The following WWOX variants were observed in gnomAD, a reference collection of about 807,000 sequenced individuals.
WWOX encodes the protein WW domain-containing oxidoreductase.
A neutral mutation model predicts 46.2 loss-of-function variants in WWOX; 69 were observed. That is an observed-to-expected ratio of 1.49 (90% CI 1.23 to 1.82). The LOEUF (loss-of-function observed/expected upper bound fraction) is 1.82. Ranked by LOEUF, WWOX falls within the 40% of genes most tolerant of loss-of-function variation. The pLI is 0.00. For missense variants in WWOX, 919 were observed against 542.6 expected, an observed-to-expected ratio of 1.69 and a Z score of -6.89; for synonymous variants, 359 against 202.6, an observed-to-expected ratio of 1.77 and a Z score of -6.56.
chr16:78,760,494 A>C (rs1319426528), intron 8 of WWOX, among the ~76,000 whole-genome samples: 1 of 152,190 alleles, frequency 6.6e-6, no homozygotes, highest in African/African-American at 2.4e-5. Flanking sequence ...CACCTTCAGC[A>C]AGAAACATTA....
At chr16:78,671,700 A>G (rs1369411817) in intron 8 of WWOX, among the ~76,000 whole-genome samples, 1 of 152,222 alleles carries the variant, frequency 6.6e-6, no homozygotes, top group African/African-American at 2.4e-5. Flanking sequence ...TGCCTGATTC[A>G]GAGTAAGTGA....
At chr16:78,998,168 C>T (rs536082593) in intron 8 of WWOX, among the ~76,000 whole-genome samples, 10 of 152,146 alleles carry the variant, frequency 6.6e-5, no homozygotes, top group African/African-American at 9.7e-5. Context: ...TGAGCCATCG[C>T]GCCCGGCCTA....
intron 8 of WWOX, among the ~76,000 whole-genome samples, chr16:79,021,209 A>T (rs1396270287): frequency 1.3e-5 from 2 of 152,148 alleles, no homozygotes; most frequent in African/African-American, 4.8e-5. Context: ...ACATGCAGTA[A>T]AATAGTTTTT....
intron 8 of WWOX, among the ~76,000 whole-genome samples, chr16:78,656,511 T>A (rs2047084526): frequency 6.6e-6 from 1 of 152,188 alleles, no homozygotes; most frequent in Non-Finnish European, 1.5e-5. Context: ...TCTGCATGGC[T>A]GGAGTAGGAG....
At chr16:78,372,695 T>C (rs535588784) in intron 5 of WWOX, among the ~76,000 whole-genome samples, 72 of 152,286 alleles carry the variant, frequency 4.7e-4, no homozygotes, top group African/African-American at 1.7e-3. Context: ...TTTTAGCAGT[T>C]ATAGGCTTTT....
rs151217072 is a variant in WWOX, at chr16:78,410,028, G to T, written c.606-14842G>T. On this transcript the variant is annotated intron_variant, in intron 6 of 8. Coordinates refer to ENST00000566780, the MANE Select transcript of WWOX (RefSeq NM_016373.4). ...CGGTGGGTGTGCTGGGAGGTATTTG[G>T]ATCATGGGGGTGGAACCCTCATGCA... 1.9e-3 allele frequency among the ~76,000 whole-genome samples: 285 copies of T among 152,278 alleles called. 1 individual carries two copies. Among genetic ancestry groups the T allele is most frequent in the Middle Eastern group, 3.4e-3 (1 of 294 alleles).
intron 8 of WWOX, among the ~76,000 whole-genome samples, chr16:79,100,210 G>C (rs925300515): frequency 6.6e-6 from 1 of 152,054 alleles, no homozygotes; most frequent in Non-Finnish European, 1.5e-5. Context: ...CAAACAAAAT[G>C]GACCATCCCA....
At chr16:78,949,102 C>T (rs551757123) in intron 8 of WWOX, among the ~76,000 whole-genome samples, 1 of 152,126 alleles carries the variant, frequency 6.6e-6, no homozygotes, top group African/African-American at 2.4e-5. Flanking sequence ...AAAACGGGGA[C>T]CTCAGTTCTG....
intron 8 of WWOX, chr16:78,890,562 C>G (rs1597112503): frequency 6.6e-6 from 1 of 152,192 alleles, no homozygotes; most frequent in Admixed American, 6.5e-5. Flanking sequence ...CCTTGGCAAC[C>G]TTTGTAGTTG....
At chr16:79,170,442 A>G (rs575420417) in intron 8 of WWOX, among the ~76,000 whole-genome samples, 7 of 152,284 alleles carry the variant, frequency 4.6e-5, no homozygotes, top group African/African-American at 1.4e-4. Context: ...CTGCAATACA[A>G]CTGTTAAGAC....
intron 8 of WWOX, among the ~76,000 whole-genome samples, chr16:78,968,217 C>A (rs1394591755): frequency 6.6e-6 from 1 of 152,198 alleles, no homozygotes; most frequent in Non-Finnish European, 1.5e-5. Context: ...AGCACATGGA[C>A]ATGATTCATA....
intron 8 of WWOX, among the ~76,000 whole-genome samples, chr16:78,906,268 A>G (rs576261700): frequency 8.3e-4 from 126 of 152,322 alleles, no homozygotes; most frequent in Non-Finnish European, 1.6e-3. Flanking sequence ...AAGAAGTAGG[A>G]GGCATAGCCC....
chr16:78,980,167 A>G (rs2046653201), intron 8 of WWOX, among the ~76,000 whole-genome samples: 1 of 152,128 alleles, frequency 6.6e-6, no homozygotes, highest in Non-Finnish European at 1.5e-5. Context: ...CTTTTCCTCC[A>G]ACTCCCACCC....
At chr16:78,541,599 T>C (rs1389569675) in intron 8 of WWOX, among the ~76,000 whole-genome samples, 1 of 151,588 alleles carries the variant, frequency 6.6e-6, no homozygotes, top group African/African-American at 2.4e-5. Context: ...TAATTGTTTA[T>C]AGTTAAGTTA....
At chr16:78,417,678 C>G (rs1174429410) in intron 6 of WWOX, among the ~76,000 whole-genome samples, 2 of 152,142 alleles carry the variant, frequency 1.3e-5, no homozygotes, top group Admixed American at 1.3e-4. Flanking sequence ...TGAATTATCC[C>G]TGCTACAAAT....
At chr16:79,102,987 C>CTTCT (rs141878943) in intron 8 of WWOX, among the ~76,000 whole-genome samples, 177 of 152,240 alleles carry the variant, frequency 1.2e-3, no homozygotes, top group Admixed American at 3.4e-3. Context: ...TCCTCCTCCT[C>CTTCT]TTCTCCTTTC....
intron 5 of WWOX, among the ~76,000 whole-genome samples, chr16:78,296,405 G>T (rs1263820343): frequency 6.6e-6 from 1 of 151,848 alleles, no homozygotes; most frequent in Non-Finnish European, 1.5e-5. Context: ...ATTTCAGGAA[G>T]GGCTCAAAGG....
At chr16:79,096,815 C>T (rs1597372700) in intron 8 of WWOX, among the ~76,000 whole-genome samples, 1 of 152,242 alleles carries the variant, frequency 6.6e-6, no homozygotes, top group East Asian at 1.9e-4. Flanking sequence ...GATCTTAATA[C>T]AGAAATTGAC....
chr16:78,963,602 G>C (rs2046312547), intron 8 of WWOX, among the ~76,000 whole-genome samples: 1 of 152,220 alleles, frequency 6.6e-6, no homozygotes. Flanking sequence ...TGCTAGTTAT[G>C]TTAGTGGTAT....
Sources: gnomAD v4.1 joint callset for allele counts (sites outside exome capture counted in the v4.1 genomes callset) on GRCh38, gnomAD v4.1.1 for gene constraint, MANE v1.5 for transcripts, NCBI Gene and HGNC (gene_info 2026-07-23, HGNC 2026-07-21) for gene names.